Variants in MARS1 observed in about 807,000 individuals in gnomAD.
The protein encoded by MARS1 is methionyl-tRNA synthetase 1, also known as methionine--tRNA ligase, cytoplasmic.
In MARS1, 80 loss-of-function variants were observed where a neutral mutation model predicts 119.5. The observed-to-expected ratio is 0.67, with a 90% confidence interval of 0.56 to 0.81. MARS1 has a LOEUF of 0.81. Ranked by LOEUF, MARS1 falls within the 30% of genes least tolerant of loss-of-function variation. The pLI is 0.00. For synonymous variants in MARS1, 418 were observed against 433.4 expected, an observed-to-expected ratio of 0.96 and a Z score of 0.44; for missense variants, 945 against 1,116.5, an observed-to-expected ratio of 0.85 and a Z score of 2.19.
intron 5 of MARS1, 118 bp downstream of exon 5, chr12:57,490,089 G>C (rs1471682985): frequency 1.6e-5 from 23 of 1,442,144 alleles, no homozygotes; most frequent in Non-Finnish European, 2.1e-5. Flanking sequence ...TATAGCAGAA[G>C]ATGGTTGAGG....
chr12:57,491,733 A>G (rs999262138), intron 7 of MARS1, among the ~76,000 whole-genome samples: 1 of 151,918 alleles, frequency 6.6e-6, no homozygotes, highest in Non-Finnish European at 1.5e-5. Flanking sequence ...ATATTTTGTC[A>G]CTCTCCTGCT....
chr12:57,498,650 T>G, intron 9 of MARS1, 27 bp downstream of exon 9: 2 of 1,606,538 alleles, frequency 1.2e-6, no homozygotes, highest in Admixed American at 3.3e-5. Flanking sequence ...GAGGCAGAAA[T>G]GGGGCTTGAA....
intron 7 of MARS1, among the ~76,000 whole-genome samples, chr12:57,493,377 TTA>T (rs1326217411): frequency 4.2e-5 from 1 of 23,770 alleles, no homozygotes; most frequent in South Asian, 1.6e-3. Flanking sequence ...ATAATATATA[TTA>T]TATAATATAT....
At position 57,488,206 on chromosome 12, in the gene MARS1, G is replaced by C. The variant is rs916054992; in HGVS notation, c.109+7G>C. On this transcript the variant is annotated splice_region_variant and intron_variant, in intron 1 of 20. Coordinates refer to ENST00000262027, the MANE Select transcript of MARS1 (RefSeq NM_004990.4). The stretch of plus-strand genomic sequence containing the variant: ...AGCACTGTAGGCCCGGAAGGTACTC[G>C]TGCTGGTGCTGGTGGGCGGTGGATG... 1 of 1,604,040 alleles carries C rather than the reference G, an allele frequency of 6.2e-7. No homozygotes were observed. The highest frequency in any genetic ancestry group is 1.3e-5 in the African/African-American group (1 of 74,736).
At chr12:57,505,594 T>C in intron 11 of MARS1, among the ~76,000 whole-genome samples, 1 of 152,122 alleles carries the variant, frequency 6.6e-6, no homozygotes, top group Admixed American at 6.6e-5. Context: ...GAGGATCTCT[T>C]GATGCCAGGA....
intron 14 of MARS1, 190 bp downstream of exon 14, chr12:57,512,543 C>A (rs770828015): frequency 1.7e-5 from 11 of 642,130 alleles, no homozygotes; most frequent in Admixed American, 8.7e-5. Flanking sequence ...AAAGCTAAAA[C>A]TCTTTAGTAG....
At chr12:57,504,934 C>T (rs1297781529) in intron 11 of MARS1, among the ~76,000 whole-genome samples, 2 of 151,620 alleles carry the variant, frequency 1.3e-5, no homozygotes, top group Non-Finnish European at 2.9e-5. Context: ...GAACTCCTGA[C>T]CTCAGATGAT....
intron 11 of MARS1, among the ~76,000 whole-genome samples, chr12:57,505,323 G>A (rs9737891): frequency 0.82 from 124,174 of 151,722 alleles, 51,065 homozygotes; most frequent in Non-Finnish European, 0.87. Context: ...CACCATGCCT[G>A]GCTAATTTTT....
In MARS1 at chr12:57,516,235, T is replaced by G. The variant is rs777345014; in HGVS notation, c.2464-10T>G. On this transcript the variant is annotated splice_polypyrimidine_tract_variant and intron_variant, in intron 19 of 20. Transcript: ENST00000262027. ...TTATGGTTGCTGGTGATAACTTTGT[T>G]GTTCTCCAGGCAAAAACGTCCCCGA... 1 of 1,613,564 alleles carries G rather than the reference T, an allele frequency of 6.2e-7. No homozygotes were observed. Among genetic ancestry groups the G allele is most frequent in the Admixed American group, 1.7e-5 (1 of 60,022 alleles).
chr12:57,515,429 A>G, intron 18 of MARS1, 93 bp downstream of exon 18: 1 of 1,304,870 alleles, frequency 7.7e-7, no homozygotes, highest in Non-Finnish European at 1.0e-6. Context: ...CTCCAGTGTT[A>G]CTTTGGTCAT....
chr12:57,501,820 T>TAA (rs76780434), intron 10 of MARS1, among the ~76,000 whole-genome samples: 45 of 121,324 alleles, frequency 3.7e-4, no homozygotes, highest in African/African-American at 1.4e-3. Flanking sequence ...AGACTCTGTC[T>TAA]AAAAAAAAAA....
chr12:57,489,796 T>C, intron 4 of MARS1, 100 bp from the exon 5 acceptor site: 6 of 1,169,670 alleles, frequency 5.1e-6, no homozygotes, highest in Non-Finnish European at 7.7e-6. Flanking sequence ...CTTAATACAG[T>C]GCTTGACATA....
At chr12:57,490,803 TACATTTTCTCTTAG>T (rs1875895481) in intron 7 of MARS1, among the ~76,000 whole-genome samples, 159 bp downstream of exon 7, 1 of 141,722 alleles carries the variant, frequency 7.1e-6, no homozygotes, top group Admixed American at 7.0e-5. Context: ...TTTTTTTTTT[TACATTTTCTCTTAG>T]CCTATCATTT....
intron 7 of MARS1, among the ~76,000 whole-genome samples, chr12:57,493,788 ATT>A (rs1491167488): frequency 3.5e-3 from 7 of 1,996 alleles, no homozygotes; most frequent in Admixed American, 0.026. Context: ...TATATTATAT[ATT>A]ATATATTATA....
In MARS1 at chr12:57,511,745, T is replaced by A; in HGVS notation, c.1416T>A (p.Ser472Arg). 6.2e-7 allele frequency: 1 copy of A among 1,614,224 alleles called. No homozygotes were observed. The highest frequency in any genetic ancestry group is 8.5e-7 in the Non-Finnish European group (1 of 1,180,032). The change falls in exon 12 of 21, where the codon AGT becomes AGA. Residue 472 changes from serine (S) to arginine (R), a missense_variant. Transcript: ENST00000262027. ...EEWLGRTLPG[S>R]DWTPNAQFIT... ...GGTTGGGGAGGACATTGCCTGGCAG[T>A]GACTGGACACCCAATGCCCAGTTTA...
chr12:57,498,516 C>G lies in MARS1; in HGVS notation c.984C>G (p.Thr328=), dbSNP rs1272511334. The G allele has an allele frequency of 1.9e-6, 3 of 1,614,178 alleles. No homozygotes were observed. The highest frequency in any genetic ancestry group is 2.2e-5 in the East Asian group (1 of 44,886). The change falls in exon 9 of 21, where the codon ACC becomes ACG. Residue 328 remains threonine (T), a synonymous_variant. Transcript: ENST00000262027. ...TETKALEEGL[T]PQEICDKYHI... is the part of the protein sequence containing the mutation. The stretch of plus-strand genomic sequence containing the variant: ...CCAAGGCTCTGGAGGAGGGACTAAC[C>G]CCCCAGGAGATCTGCGACAAGTACC...
At chr12:57,495,972 C>T (rs1253413074) in intron 7 of MARS1, among the ~76,000 whole-genome samples, 1 of 152,140 alleles carries the variant, frequency 6.6e-6, no homozygotes, top group Non-Finnish European at 1.5e-5. Flanking sequence ...CTCGGCTCGG[C>T]ATCAGAGGGA....
At chr12:57,507,364 G>C (rs1877235256) in intron 11 of MARS1, among the ~76,000 whole-genome samples, 1 of 147,566 alleles carries the variant, frequency 6.8e-6, no homozygotes, top group Non-Finnish European at 1.5e-5. Flanking sequence ...ATGAGCTGTT[G>C]GGTACACCTC....
intron 7 of MARS1, among the ~76,000 whole-genome samples, chr12:57,496,612 A>C (rs895853741): frequency 1.3e-5 from 2 of 150,724 alleles, no homozygotes; most frequent in Admixed American, 6.6e-5. Context: ...GCATCTCTAC[A>C]AAAAAAATTT....
Sources: gnomAD v4.1 joint callset for allele counts (sites outside exome capture counted in the v4.1 genomes callset) on GRCh38, gnomAD v4.1.1 for gene constraint, MANE v1.5 for transcripts, NCBI Gene and HGNC (gene_info 2026-07-23, HGNC 2026-07-21) for gene names.